Variants in ZNF536 observed in about 807,000 individuals in gnomAD.
ZNF536 encodes zinc finger protein 536.
ZNF536 carries 13 observed loss-of-function variants against 84.5 expected under a neutral mutation model. The observed-to-expected ratio is 0.15, with a 90% CI of 0.10 to 0.24. ZNF536 has a LOEUF of 0.24. Among genes scored for constraint, ZNF536 ranks in the 10% least tolerant of loss-of-function variants. ZNF536 has a pLI of 1.00. For missense variants in ZNF536, 1,536 were observed against 1,747.5 expected (o/e 0.88, Z 2.16); for synonymous variants, 811 against 742.5 (o/e 1.09, Z -1.50).
rs774099039 is a variant in ZNF536, at chr19:30,530,331, T to TTG, written c.2171-4515_2171-4514insGT. Among the ~76,000 whole-genome samples, 361 of 151,422 alleles carry TTG rather than the reference T, an allele frequency of 2.4e-3. 1 individual carries two copies. Among genetic ancestry groups the TTG allele is most frequent in the Non-Finnish European group, 4.3e-3 (290 of 67,914 alleles). On this transcript the variant is annotated intron_variant, in intron 2 of 4. Coordinates refer to ENST00000355537, the MANE Select transcript of ZNF536 (RefSeq NM_014717.3). ...TTTGTAATACCTCTCTCTCTGTCTT[T>TTG]TTGTTGTTGTTGTTGTTGTTGTTGT...
chr19:30,516,026 C>CAAAAAAAAAAAAAAAAAAAAAA (rs553504551), intron 2 of ZNF536, among the ~76,000 whole-genome samples: 1 of 75,634 alleles, frequency 1.3e-5, no homozygotes, highest in African/African-American at 4.7e-5. Context: ...GACTCCATCT[C>CAAAAAAAAAAAAAAAAAAAAAA]AAAAAAAAAA....
intron 2 of ZNF536, among the ~76,000 whole-genome samples, chr19:30,313,497 G>T (rs1237774092): frequency 6.6e-6 from 1 of 152,002 alleles, no homozygotes; most frequent in African/African-American, 2.4e-5. Context: ...CACCCACTCC[G>T]CACTCTCCAC....
At chr19:30,620,538 A>G (rs1355275869) in intron 1 of ZNF536, among the ~76,000 whole-genome samples, 2 of 152,064 alleles carry the variant, frequency 1.3e-5, no homozygotes, top group Non-Finnish European at 2.9e-5. Flanking sequence ...CCTGCCATCC[A>G]GGGGTCTGTG....
chr19:30,649,910 T>TAA (rs34573085), intron 1 of ZNF536, among the ~76,000 whole-genome samples: 16 of 149,408 alleles, frequency 1.1e-4, no homozygotes, highest in Admixed American at 3.3e-4. Context: ...TAATCTTAAC[T>TAA]AAAAAAAAAA....
At chr19:30,562,465 G>T (rs1183439374), downstream of ZNF536, among the ~76,000 whole-genome samples, 1 of 151,856 alleles carries the variant, frequency 6.6e-6, no homozygotes, top group Non-Finnish European at 1.5e-5. Flanking sequence ...AATAGCAAAA[G>T]AAAAGAAAAG....
chr19:30,575,807 G>A (rs541472981), intron 1 of ZNF536, among the ~76,000 whole-genome samples: 3 of 152,302 alleles, frequency 2.0e-5, no homozygotes, highest in Non-Finnish European at 2.9e-5. Context: ...TGCGTTCCTC[G>A]GAGGATGTGG....
At chr19:30,250,198 A>T (rs2024526452) in intron 1 of ZNF536, among the ~76,000 whole-genome samples, 1 of 152,182 alleles carries the variant, frequency 6.6e-6, no homozygotes, top group African/African-American at 2.4e-5. Flanking sequence ...TGTGGTGTTT[A>T]CATTCCACCA....
At chr19:30,669,834 A>G (rs2050475370) in intron 1 of ZNF536, among the ~76,000 whole-genome samples, 2 of 152,234 alleles carry the variant, frequency 1.3e-5, no homozygotes, top group Admixed American at 6.5e-5. Flanking sequence ...GCTTTGTTCA[A>G]TGACGTATTC....
rs142725756 is a variant in ZNF536 at position 30,570,635 on chromosome 19, C to T, written c.169+21121C>T. On this transcript the variant is annotated intron_variant, in intron 1 of 1. Coordinates refer to the ZNF536 transcript ENST00000592773. ...AGCGCCACTGAGAACTATATACAAA[C>T]GTTCCCATTGGACAGGCTGGCGGAA... 5.4e-3 allele frequency among the ~76,000 whole-genome samples: 822 copies of T among 152,200 alleles called. 3 individuals carry two copies. Among genetic ancestry groups the T allele is most frequent in the Non-Finnish European group, 9.0e-3 (615 of 67,998 alleles).
chr19:30,455,983 AC>A (rs2052820879), intron 2 of ZNF536, among the ~76,000 whole-genome samples: 1 of 152,328 alleles, frequency 6.6e-6, no homozygotes, highest in East Asian at 1.9e-4. Context: ...CCTGTAAAGA[AC>A]CAGCTAATGA....
intron 1 of ZNF536, among the ~76,000 whole-genome samples, chr19:30,628,449 G>A (rs1424899520): frequency 2.3e-5 from 3 of 132,628 alleles, no homozygotes; most frequent in Non-Finnish European, 3.2e-5. Context: ...TTTTTTTTGA[G>A]ACAGAGTCTC....
chr19:30,709,854 C>G (rs1274773151), intron 1 of ZNF536, among the ~76,000 whole-genome samples: 1 of 152,166 alleles, frequency 6.6e-6, no homozygotes, highest in Non-Finnish European at 1.5e-5. Context: ...TGGGCTCAAA[C>G]GACTGACTTG....
intron 2 of ZNF536, among the ~76,000 whole-genome samples, chr19:30,342,728 A>T (rs1029111392): frequency 6.6e-6 from 1 of 152,254 alleles, no homozygotes; most frequent in Non-Finnish European, 1.5e-5. Flanking sequence ...AAAACAACCC[A>T]ACAACAATTA....
At chr19:30,441,822 T>C (rs2052062860) in intron 1 of ZNF536, among the ~76,000 whole-genome samples, 1 of 152,178 alleles carries the variant, frequency 6.6e-6, no homozygotes, top group Non-Finnish European at 1.5e-5. Context: ...GAAGTAAACA[T>C]TCATGGCTCT....
At chr19:30,478,412 C>T (rs954223906) in intron 2 of ZNF536, among the ~76,000 whole-genome samples, 2 of 151,930 alleles carry the variant, frequency 1.3e-5, no homozygotes, top group African/African-American at 4.8e-5. Flanking sequence ...TGAGGGGGCC[C>T]ATTCAGAGCC....
chr19:30,407,965 A>G (rs1009338083), intron 1 of ZNF536, among the ~76,000 whole-genome samples: 9 of 152,154 alleles, frequency 5.9e-5, no homozygotes, highest in Non-Finnish European at 1.2e-4. Flanking sequence ...TTGAGAGGAA[A>G]GTGGCCGTCA....
At chr19:30,590,518 G>A (rs2047240841) in intron 1 of ZNF536, among the ~76,000 whole-genome samples, 1 of 152,118 alleles carries the variant, frequency 6.6e-6, no homozygotes, top group African/African-American at 2.4e-5. Context: ...CTTTCTTTGT[G>A]TTTCACCCTG....
At chr19:30,259,816 G>T (rs760643426) in intron 1 of ZNF536, among the ~76,000 whole-genome samples, 12 of 151,914 alleles carry the variant, frequency 7.9e-5, no homozygotes, top group Non-Finnish European at 1.2e-4. Flanking sequence ...GCAGTGGTGC[G>T]ATCTTGGCTC....
chr19:30,547,144 T>C (rs2045589037), intron 3 of ZNF536, among the ~76,000 whole-genome samples: 1 of 152,242 alleles, frequency 6.6e-6, no homozygotes, highest in African/African-American at 2.4e-5. Flanking sequence ...TTTAAGGCAC[T>C]ACAAAGACCA....
Sources: gnomAD v4.1 joint callset for allele counts (sites outside exome capture counted in the v4.1 genomes callset) on GRCh38, gnomAD v4.1.1 for gene constraint, MANE v1.5 for transcripts, NCBI Gene and HGNC (gene_info 2026-07-23, HGNC 2026-07-21) for gene names.